ATP9B: variants seen among roughly 807,000 people sequenced by gnomAD.
ATP9B encodes ATPase phospholipid transporting 9B.
In ATP9B, 110 loss-of-function variants were observed where a neutral mutation model predicts 146.1. The observed-to-expected ratio is 0.75, with a 90% CI of 0.65 to 0.88. The LOEUF (loss-of-function observed/expected upper bound fraction) is 0.88. ATP9B is among the 40% of genes least tolerant of loss of function. The pLI is 0.00. For missense variants in ATP9B, 1,499 were observed against 1,496.4 expected, an observed-to-expected ratio of 1.00 and a Z score of -0.03; for synonymous variants, 604 against 569.7, an observed-to-expected ratio of 1.06 and a Z score of -0.86.
intron 15 of ATP9B, among the ~76,000 whole-genome samples, chr18:79,327,410 G>A (rs1270006816): frequency 6.6e-6 from 1 of 152,056 alleles, no homozygotes; most frequent in African/African-American, 2.4e-5. Context: ...CTGCAGTGGT[G>A]TGGGACGTTG....
chr18:79,089,655 A>G (rs917068899), intron 1 of ATP9B, among the ~76,000 whole-genome samples: 2 of 152,248 alleles, frequency 1.3e-5, no homozygotes, highest in Non-Finnish European at 2.9e-5. Context: ...CATAATGTTT[A>G]TAGACATTTA....
rs1269131711 is a variant in ATP9B, at chr18:79,307,407, A to T, written c.1773+173A>T. On this transcript the variant is annotated intron_variant, in intron 15 of 29. Transcript: ENST00000426216. Reference sequence around the variant, plus strand: ...AACCTATTCCAGCATGTAGCCTCTGACGTAGCCTGGGCCTTGCACATGCAA... The same window carrying T: ...AACCTATTCCAGCATGTAGCCTCTGTCGTAGCCTGGGCCTTGCACATGCAA... 3.2e-5 allele frequency: 31 copies of T among 974,346 alleles called. No individual in the cohort carries two copies. The Admixed American group carries it at 8.8e-4, about 28-fold the overall frequency. 60.4% of individuals were successfully genotyped at this position (974,346 alleles called of 1,614,324 possible).
intron 26 of ATP9B, chr18:79,361,753 A>G (rs6506758): frequency 0.91 from 898,166 of 985,014 alleles, 409,818 homozygotes; most frequent in East Asian, 1. Context: ...CCAAGGTAGC[A>G]CAGACTGCAG....
rs1427730477 is a variant in ATP9B at position 79,277,073 on chromosome 18, A to G, written c.1288A>G (p.Met430Val). The G allele has an allele frequency of 1.9e-6, 3 of 1,614,072 alleles. No homozygotes were observed. Among genetic ancestry groups the G allele is most frequent in the South Asian group, 1.1e-5 (1 of 91,080 alleles). Residue 430 changes from methionine (M) to valine (V), a missense_variant, in exon 13 of 30, where the codon ATG (methionine) becomes GTG (valine). Transcript: ENST00000426216. The stretch of plus-strand genomic sequence containing the variant: ...TGGCAGTTTGCGTGTGAACTTGGAC[A>G]TGGGCAAAGCGGTGTATGGATGGAT... Reference protein sequence around the residue: ...IPISLRVNLDMGKAVYGWMMM... With the variant: ...IPISLRVNLDVGKAVYGWMMM...
At position 79,173,929 on chromosome 18, in the gene ATP9B, G is replaced by A. The variant is rs146542525; in HGVS notation, c.779-2884G>A. On this transcript the variant is annotated intron_variant, in intron 7 of 29. Transcript: ENST00000426216. ...GATAGTCATGAAGTCTGCACCTGTT[G>A]GCATTTATGGGTGGCCGGGTTCTTC... 5.2e-3 allele frequency among the ~76,000 whole-genome samples: 791 copies of A among 152,232 alleles called. 5 individuals carry two copies. Among genetic ancestry groups the A allele is most frequent in the African/African-American group, 0.018 (752 of 41,554 alleles).
chr18:79,194,778 T>C (rs1047528880), intron 9 of ATP9B, among the ~76,000 whole-genome samples: 3 of 152,024 alleles, frequency 2.0e-5, no homozygotes, highest in Admixed American at 1.3e-4. Context: ...TTCAATTTAC[T>C]GTAAGTGGGG....
At chr18:79,365,664 G>A (rs904449859) in intron 26 of ATP9B, among the ~76,000 whole-genome samples, 1 of 152,224 alleles carries the variant, frequency 6.6e-6, no homozygotes, top group Non-Finnish European at 1.5e-5. Flanking sequence ...ATGCGTGGAT[G>A]GAAGGACATC....
intron 7 of ATP9B, among the ~76,000 whole-genome samples, chr18:79,164,365 C>T (rs62101125): frequency 0.018 from 2,784 of 152,186 alleles, 35 homozygotes; most frequent in South Asian, 0.054. Context: ...CTGTATTTCC[C>T]AGATTCCATT....
At chr18:79,271,484 C>CGGTGTTT (rs1273375607) in intron 12 of ATP9B, among the ~76,000 whole-genome samples, 6 of 150,808 alleles carry the variant, frequency 4.0e-5, no homozygotes, top group Non-Finnish European at 7.4e-5. Context: ...TGAGAACATG[C>CGGTGTTT]GGTGTTTGGT....
chr18:79,242,131 G>C (rs1418746950), intron 11 of ATP9B, among the ~76,000 whole-genome samples: 1 of 152,292 alleles, frequency 6.6e-6, no homozygotes, highest in East Asian at 1.9e-4. Context: ...TTATTAATTC[G>C]CTAAATCCAA....
intron 13 of ATP9B, among the ~76,000 whole-genome samples, chr18:79,282,660 C>T (rs116361589): frequency 0.016 from 2,394 of 152,222 alleles, 66 homozygotes; most frequent in African/African-American, 0.054. Flanking sequence ...AACTGGGAAA[C>T]GCAAAAAGTC....
At chr18:79,105,320 C>T (rs994979880) in intron 2 of ATP9B, among the ~76,000 whole-genome samples, 1 of 152,158 alleles carries the variant, frequency 6.6e-6, no homozygotes, top group African/African-American at 2.4e-5. Context: ...TAGATTTATA[C>T]AGTTAGTTTA....
chr18:79,330,094 T>C lies in ATP9B; in HGVS notation c.2018T>C (p.Leu673Pro). 6.2e-7 allele frequency: 1 copy of C among 1,614,010 alleles called. No homozygotes were observed. The highest frequency in any genetic ancestry group is 8.5e-7 in the Non-Finnish European group (1 of 1,179,876). Residue 673 changes from leucine to proline, a missense_variant, in exon 17 of 30, where the codon CTG becomes CCG. Coordinates refer to ENST00000426216, the MANE Select transcript of ATP9B (RefSeq NM_198531.5). ...CCTATCGTGCAGTATAATGACTGGC[T>C]GGAAGAGGAGGTATGTGAGTGACTC... ...MSPIVQYNDW[L>P]EEECGNMARE...
chr18:79,307,269 G>A (rs373775399), intron 15 of ATP9B, 35 bp downstream of exon 15: 53 of 1,612,618 alleles, frequency 3.3e-5, no homozygotes, highest in Middle Eastern at 3.3e-4. Flanking sequence ...GAGCTTGTCC[G>A]TTCCATTTGG....
rs1215725561 is a variant in ATP9B at position 79,245,744 on chromosome 18, GCTGACTGAGGAGGGCACCGCCCTA to G, written c.1108-7618_1108-7595del. On this transcript the variant is annotated intron_variant, in intron 11 of 29. Coordinates refer to ENST00000426216, the MANE Select transcript of ATP9B (RefSeq NM_198531.5). ...CTGACTGTGTGGAGGACACCGCCCT[GCTGACTGAGGAGGGCACCGCCCTA>G]CTGACTGAGGAGGGCACCACCCTAC... Among the ~76,000 whole-genome samples, 44 of 80,260 alleles carry G rather than the reference GCTGACTGAGGAGGGCACCGCCCTA, an allele frequency of 5.5e-4. 1 individual carries two copies. Among genetic ancestry groups the G allele is most frequent in the Middle Eastern group, 0.015 (1 of 66 alleles). The allele number at this position is 80,260 out of a possible 152,430, so 52.7% of individuals were successfully genotyped here.
At chr18:79,301,976 G>A (rs1202172744) in intron 13 of ATP9B, among the ~76,000 whole-genome samples, 1 of 152,192 alleles carries the variant, frequency 6.6e-6, no homozygotes, top group Non-Finnish European at 1.5e-5. Context: ...GATCCTAACT[G>A]ATTCACTTTG....
At chr18:79,335,952 G>A (rs2096822262) in intron 17 of ATP9B, among the ~76,000 whole-genome samples, 1 of 151,990 alleles carries the variant, frequency 6.6e-6, no homozygotes, top group Non-Finnish European at 1.5e-5. Context: ...CACGCCAGGG[G>A]GGTCCCCCTC....
At chr18:79,325,159 G>A (rs1440349319) in intron 15 of ATP9B, among the ~76,000 whole-genome samples, 1 of 152,298 alleles carries the variant, frequency 6.6e-6, no homozygotes, top group East Asian at 1.9e-4. Flanking sequence ...TTCCTCCCCA[G>A]TCTAGAGCAG....
At chr18:79,095,284 T>A (rs1034107568) in intron 1 of ATP9B, among the ~76,000 whole-genome samples, 1 of 152,170 alleles carries the variant, frequency 6.6e-6, no homozygotes, top group African/African-American at 2.4e-5. Flanking sequence ...CTTGCTGCCT[T>A]GGCTCTATGC....
Sources: allele counts gnomAD v4.1 joint callset (sites outside exome capture counted in the v4.1 genomes callset), GRCh38; gene constraint gnomAD v4.1.1; transcripts MANE v1.5; gene names NCBI Gene and HGNC (gene_info 2026-07-23, HGNC 2026-07-21).